SCAI: variants seen among roughly 807,000 people sequenced by gnomAD.
SCAI encodes suppressor of cancer cell invasion, also known as protein SCAI.
In SCAI, 24 loss-of-function variants were observed where a neutral mutation model predicts 92.2. The observed-to-expected ratio is 0.26, with a 90% CI of 0.19 to 0.37. The LOEUF is 0.37. Ranked by LOEUF, SCAI falls within the 10% of genes least tolerant of loss-of-function variation. The probability of loss-of-function intolerance (pLI) is 1.00; values close to 1 mark genes in which losing one functional copy is unlikely to be tolerated. For missense variants in SCAI, 450 were observed against 736.2 expected (o/e 0.61, Z 4.50); for synonymous variants, 261 against 258.6 (o/e 1.01, Z -0.09).
intron 13 of SCAI, among the ~76,000 whole-genome samples, chr9:124,999,004 G>A (rs567418587): frequency 6.6e-6 from 1 of 152,092 alleles, no homozygotes; most frequent in Admixed American, 6.5e-5. Flanking sequence ...TAATTACTCT[G>A]ATCTGATCAC....
chr9:125,016,199 A>T (rs1212805628), intron 9 of SCAI, among the ~76,000 whole-genome samples: 6 of 149,334 alleles, frequency 4.0e-5, no homozygotes. Flanking sequence ...ATAAAATAAA[A>T]TAAAATAAAA....
At chr9:125,037,900 G>A (rs1833234233) in intron 3 of SCAI, among the ~76,000 whole-genome samples, 1 of 151,742 alleles carries the variant, frequency 6.6e-6, no homozygotes, top group African/African-American at 2.4e-5. Context: ...TGGGCGACGA[G>A]AGTGAAACTC....
At chr9:125,134,287 T>C (rs888888855) in intron 2 of SCAI, among the ~76,000 whole-genome samples, 4 of 152,214 alleles carry the variant, frequency 2.6e-5, no homozygotes, top group African/African-American at 9.7e-5. Context: ...GTGTAAACCT[T>C]TGTATATATA....
At chr9:124,990,666 G>C (rs186279152) in intron 14 of SCAI, among the ~76,000 whole-genome samples, 1 of 151,906 alleles carries the variant, frequency 6.6e-6, no homozygotes. Flanking sequence ...ATCAATGCCA[G>C]TATATTATTT....
intron 17 of SCAI, among the ~76,000 whole-genome samples, chr9:124,958,520 A>T (rs1182439433): frequency 6.6e-6 from 1 of 152,184 alleles, no homozygotes; most frequent in Admixed American, 6.6e-5. Flanking sequence ...ATATTAAAAA[A>T]CTTTAACCTT....
At chr9:124,966,883 G>T (rs1192857145) in intron 17 of SCAI, among the ~76,000 whole-genome samples, 2 of 148,070 alleles carry the variant, frequency 1.4e-5, no homozygotes, top group African/African-American at 5.0e-5. Context: ...GAGTAGCTGG[G>T]ACTATAGGTA....
Position 125,029,701 on chromosome 9 carries a change from T to C in SCAI, c.269A>G (p.Tyr90Cys). The C allele has an allele frequency of 6.2e-7, 1 of 1,612,876 alleles. No homozygotes were observed. Among genetic ancestry groups the C allele is most frequent in the Non-Finnish European group, 8.5e-7 (1 of 1,179,112 alleles). ...GTAAACATCAAAAGTTCTTCCAAAA[T>C]AGGACTGCCACTGCTTCTGTCCATA... is the stretch of plus-strand genomic sequence containing the variant. The part of the protein sequence containing the change: ...PQYGQKQWQS[Y>C]FGRTFDVYTK... The change falls in exon 4 of 18, where the codon TAT (tyrosine) becomes TGT (cysteine). Residue 90 changes from tyrosine to cysteine, a missense_variant. By Grantham distance (194) the Tyr-to-Cys change is radical (BLOSUM62 -2). Transcript: ENST00000336505.
chr9:125,081,042 T>G (rs1486657430), intron 2 of SCAI, among the ~76,000 whole-genome samples: 1 of 152,246 alleles, frequency 6.6e-6, no homozygotes, highest in Non-Finnish European at 1.5e-5. Flanking sequence ...CCTTGCCTTC[T>G]GTCATGATTG....
At chr9:125,125,929 C>CACACAA (rs1160825791) in intron 2 of SCAI, among the ~76,000 whole-genome samples, 1 of 151,240 alleles carries the variant, frequency 6.6e-6, no homozygotes, top group Non-Finnish European at 1.5e-5. Context: ...CACACACACA[C>CACACAA]ACACACACAC....
Position 125,056,327 on chromosome 9 carries a change from G to A in SCAI, c.99-320C>T, listed in dbSNP as rs144424743. 0.019 allele frequency among the ~76,000 whole-genome samples: 2,826 copies of A among 152,154 alleles called. 159 individuals are homozygous for A. In the East Asian group the frequency reaches 0.23, roughly 12 times the overall value. ...CTAAAAATACAAAAATTAGCCGGGC[G>A]TGGTGGTGGGCACCTGTAGTCCCAG... On this transcript the variant is annotated intron_variant, in intron 2 of 17. Coordinates refer to ENST00000336505, the MANE Select transcript of SCAI (RefSeq NM_001144877.3).
chr9:124,975,709 G>A (rs2131593390), intron 15 of SCAI, among the ~76,000 whole-genome samples: 1 of 152,308 alleles, frequency 6.6e-6, no homozygotes, highest in East Asian at 1.9e-4. Context: ...AGACTGAGAA[G>A]TTTCCTAGAC....
intron 3 of SCAI, among the ~76,000 whole-genome samples, chr9:125,049,059 T>C (rs2030155698): frequency 1.3e-5 from 2 of 152,114 alleles, no homozygotes; most frequent in African/African-American, 4.8e-5. Context: ...GCATATTTAA[T>C]AAAAATAATT....
At chr9:125,088,868 A>G (rs1834374073) in intron 2 of SCAI, among the ~76,000 whole-genome samples, 1 of 152,194 alleles carries the variant, frequency 6.6e-6, no homozygotes, top group African/African-American at 2.4e-5. Context: ...TTTGGGCCAA[A>G]TAAGTCTTTG....
chr9:125,080,837 A>G (rs1834199873), intron 2 of SCAI, among the ~76,000 whole-genome samples: 1 of 152,184 alleles, frequency 6.6e-6, no homozygotes. Flanking sequence ...CCCCACCCAA[A>G]TCTCATCTTG....
intron 2 of SCAI, among the ~76,000 whole-genome samples, chr9:125,125,843 A>T: frequency 6.6e-6 from 1 of 151,602 alleles, no homozygotes; most frequent in Non-Finnish European, 1.5e-5. Context: ...AAAAAAAAAA[A>T]AAAAAAGATA....
intron 11 of SCAI, 152 bp from the exon 12 acceptor site, chr9:125,002,195 TTAAAAC>T: frequency 1.6e-6 from 1 of 613,480 alleles, no homozygotes. Flanking sequence ...GGTCCTGACT[TTAAAAC>T]TATACACACG....
intron 6 of SCAI, among the ~76,000 whole-genome samples, chr9:125,023,847 A>C (rs1832915166): frequency 1.3e-5 from 2 of 152,038 alleles, no homozygotes; most frequent in Admixed American, 6.6e-5. Flanking sequence ...GCACAGATTA[A>C]ATGCGTCAGT....
chr9:124,972,827 G>A lies in SCAI; in HGVS notation c.1400-983C>T, dbSNP rs78496147. 2.0e-3 allele frequency among the ~76,000 whole-genome samples: 300 copies of A among 152,256 alleles called. 9 individuals are homozygous for A. The East Asian group carries it at 0.044, about 22-fold the overall frequency. ...TTGGTTCTATGGTTCTATGGGCTTA[G>A]TATCTTTGCAGCTGGCTACTAGTCA... On this transcript the variant is annotated intron_variant, in intron 15 of 17. Coordinates refer to ENST00000336505, the MANE Select transcript of SCAI (RefSeq NM_001144877.3).
intron 9 of SCAI, among the ~76,000 whole-genome samples, chr9:125,017,854 A>C (rs988747724): frequency 6.6e-6 from 1 of 151,818 alleles, no homozygotes; most frequent in Admixed American, 6.6e-5. Flanking sequence ...TAAATATACA[A>C]AAATTAGCCG....
Sources: allele counts gnomAD v4.1 joint callset (sites outside exome capture counted in the v4.1 genomes callset), GRCh38; gene constraint gnomAD v4.1.1; transcripts MANE v1.5; gene names NCBI Gene and HGNC (gene_info 2026-07-23, HGNC 2026-07-21).